The following CASK variants were observed in gnomAD, a reference collection of about 807,000 sequenced individuals.
CASK encodes calcium/calmodulin dependent serine protein kinase, also known as peripheral plasma membrane protein CASK.
Under a neutral mutation model 82.9 loss-of-function variants are expected in CASK, and 4 were observed. That is an observed-to-expected ratio of 0.05 (90% CI 0.02 to 0.11). CASK has a LOEUF of 0.11. CASK is among the 10% of genes least tolerant of loss of function. CASK has a pLI of 1.00. For missense variants in CASK, 358 were observed against 720.9 expected (o/e 0.50, Z 5.76); for synonymous variants, 259 against 253.5 (o/e 1.02, Z -0.20).
chrX:41,840,870 C>T (rs1484301692), intron 2 of CASK, among the ~76,000 whole-genome samples: 1 of 111,954 alleles, frequency 8.9e-6, no homozygotes, highest in East Asian at 2.8e-4. Context: ...GTTTTGCATA[C>T]CTTTAATTCC....
At chrX:41,920,524 T>C (rs2072764182) in intron 1 of CASK, among the ~76,000 whole-genome samples, 1 of 112,141 alleles carries the variant, frequency 8.9e-6, no homozygotes, top group Admixed American at 9.4e-5. Context: ...AGTCAGATTT[T>C]GTAGGATATG....
rs781735208 is a variant in CASK, at chrX:41,873,785, C to CTTTTTTTTT, written c.60-20567_60-20559dup. 2.3e-5 allele frequency among the ~76,000 whole-genome samples: 2 copies of CTTTTTTTTT among 88,601 alleles called. 1 individual carries two copies. Among genetic ancestry groups the CTTTTTTTTT allele is most frequent in the African/African-American group, 8.2e-5 (2 of 24,385 alleles). 76.9% of individuals were successfully genotyped at this position (88,601 alleles called of 115,157 possible). On this transcript the variant is annotated intron_variant, in intron 1 of 26. Coordinates refer to ENST00000378163, the MANE Select transcript of CASK (RefSeq NM_001367721.1). ...AAAGTAATTGCAGTTTTTGTTGTTC[C>CTTTTTTTTT]TTTTTTTTTTTTTTTTTTTTTGGAG...
intron 21 of CASK, among the ~76,000 whole-genome samples, chrX:41,546,034 C>T (rs1201112565): frequency 3.6e-5 from 4 of 110,106 alleles, no homozygotes; most frequent in South Asian, 3.9e-4. Context: ...TGTAATGGTG[C>T]GATCTCAGCT....
chrX:41,563,326 C>A (rs1159776734), intron 16 of CASK, among the ~76,000 whole-genome samples: 3 of 88,442 alleles, frequency 3.4e-5, no homozygotes, highest in Non-Finnish European at 4.2e-5. Flanking sequence ...TACTGCATTC[C>A]AGCCTGGCCG....
intron 4 of CASK, among the ~76,000 whole-genome samples, chrX:41,744,211 C>A (rs924541463): frequency 4.5e-5 from 5 of 110,763 alleles, no homozygotes; most frequent in African/African-American, 1.6e-4. Flanking sequence ...ATGCTGTATT[C>A]CATGTATTAA....
chrX:41,752,813 T>C (rs2068821382), intron 3 of CASK, among the ~76,000 whole-genome samples: 1 of 111,927 alleles, frequency 8.9e-6, no homozygotes, highest in Admixed American at 9.5e-5. Context: ...AAGTAGGTAA[T>C]CTACTATTGA....
At chrX:41,685,640 C>T (rs1029864634) in intron 5 of CASK, among the ~76,000 whole-genome samples, 2 of 111,044 alleles carry the variant, frequency 1.8e-5, no homozygotes, top group Admixed American at 9.6e-5. Flanking sequence ...TGCCACCACA[C>T]CCGGCTAATT....
chrX:41,565,375 T>C (rs1376507538), intron 16 of CASK, among the ~76,000 whole-genome samples: 2 of 111,149 alleles, frequency 1.8e-5, no homozygotes, highest in East Asian at 5.6e-4. Context: ...AAGAATCAAA[T>C]AGATGCAATT....
chrX:41,663,706 G>A (rs1014708615), intron 7 of CASK, among the ~76,000 whole-genome samples: 2 of 111,607 alleles, frequency 1.8e-5, no homozygotes, highest in Non-Finnish European at 3.8e-5. Flanking sequence ...ACTCAAAAAC[G>A]CAGGTGGGGG....
At chrX:41,564,226 T>C (rs1435183781) in intron 16 of CASK, among the ~76,000 whole-genome samples, 1 of 112,510 alleles carries the variant, frequency 8.9e-6, no homozygotes, top group Non-Finnish European at 1.9e-5. Flanking sequence ...GAGCATTTGA[T>C]TAAATTCAAA....
At chrX:41,843,388 T>A (rs1270280324) in intron 2 of CASK, among the ~76,000 whole-genome samples, 2 of 111,834 alleles carry the variant, frequency 1.8e-5, no homozygotes, top group Non-Finnish European at 3.8e-5. Flanking sequence ...TTGAATTTTG[T>A]TAAATGCTTT....
At chrX:41,557,960 T>C (rs984286514) in intron 18 of CASK, among the ~76,000 whole-genome samples, 7 of 111,427 alleles carry the variant, frequency 6.3e-5, no homozygotes, top group East Asian at 2.8e-4. Flanking sequence ...ACATTTTTTT[T>C]CCCCAGATGA....
chrX:41,792,685 AGAAAC>A, intron 2 of CASK, among the ~76,000 whole-genome samples: 1 of 112,030 alleles, frequency 8.9e-6, no homozygotes, highest in East Asian at 2.8e-4. Context: ...AAAAGTAAAA[AGAAAC>A]AGGTAAAATT....
chrX:41,655,299 C>T (rs1258667398), intron 8 of CASK, among the ~76,000 whole-genome samples: 1 of 110,769 alleles, frequency 9.0e-6, no homozygotes, highest in East Asian at 2.8e-4. Flanking sequence ...CATCTGCTCG[C>T]CCTTTGCAGG....
intron 2 of CASK, among the ~76,000 whole-genome samples, chrX:41,850,131 T>C (rs1041201298): frequency 1.3e-4 from 15 of 112,083 alleles, no homozygotes; most frequent in Non-Finnish European, 1.9e-4. Flanking sequence ...CAATGAGCCA[T>C]GATTGCACCA....
rs1569337660 is a variant in CASK, at chrX:41,609,974, T to C, written c.1085A>G (p.Asp362Gly). The C allele has an allele frequency of 8.3e-7, 1 of 1,208,602 alleles. No individual in the cohort carries two copies. The highest frequency in any genetic ancestry group is 1.1e-6 in the Non-Finnish European group (1 of 892,564). ...AAAATCTAGGTCCTTTTCACTGCAGTCTGTAAGCGCATGAATCTCTTCCAG... is the reference window on the plus strand; with the variant it reads ...AAAATCTAGGTCCTTTTCACTGCAGCCTGTAAGCGCATGAATCTCTTCCAG... ...DSLEEIHALT[D>G]CSEKDLDFLH... The change falls in exon 12 of 27, where the codon GAC becomes GGC. Residue 362 changes from aspartate (D) to glycine (G), a missense_variant. Around this residue, in one of 5 missense-constraint regions of CASK, gnomAD observed 110 missense variants for 218.8 expected, o/e 0.50. Coordinates refer to ENST00000378163, the MANE Select transcript of CASK (RefSeq NM_001367721.1).
chrX:41,612,730 C>A (rs1364195295), intron 11 of CASK, among the ~76,000 whole-genome samples: 2 of 89,747 alleles, frequency 2.2e-5, no homozygotes, highest in African/African-American at 8.1e-5. Flanking sequence ...GCCCGGCCAG[C>A]CACCCCGTCC....
At chrX:41,898,499 T>C (rs773066361) in intron 1 of CASK, among the ~76,000 whole-genome samples, 1 of 111,665 alleles carries the variant, frequency 9.0e-6, no homozygotes, top group East Asian at 2.8e-4. Context: ...GTTTGTTCTT[T>C]TTCTAGTTCC....
intron 12 of CASK, among the ~76,000 whole-genome samples, chrX:41,597,750 T>C (rs1368535276): frequency 1.8e-5 from 2 of 112,134 alleles, no homozygotes; most frequent in Admixed American, 9.4e-5. Context: ...AGAACTGATA[T>C]TCAATTACTG....
Sources: allele counts gnomAD v4.1 joint callset (sites outside exome capture counted in the v4.1 genomes callset), GRCh38; gene constraint gnomAD v4.1.1; regional missense constraint gnomAD v4.1.1; transcripts MANE v1.5; gene names NCBI Gene and HGNC (gene_info 2026-07-23, HGNC 2026-07-21).